Variants in ARHGEF10L observed in about 807,000 individuals in gnomAD.
ARHGEF10L encodes Rho guanine nucleotide exchange factor 10 like.
In ARHGEF10L, 69 loss-of-function variants were observed where a neutral mutation model predicts 141.2. The observed-to-expected ratio is 0.49, with a 90% CI of 0.40 to 0.60. The LOEUF (loss-of-function observed/expected upper bound fraction) is 0.60. ARHGEF10L is among the 20% of genes least tolerant of loss of function. The probability of loss-of-function intolerance (pLI) is 0.00; values close to 1 mark genes in which losing one functional copy is unlikely to be tolerated. For missense variants in ARHGEF10L, 1,482 were observed against 1,734.3 expected (o/e 0.85, Z 2.58); for synonymous variants, 711 against 718.5 (o/e 0.99, Z 0.17).
At chr1:17,652,142 A>G (rs1227361768) in intron 22 of ARHGEF10L, among the ~76,000 whole-genome samples, 1 of 152,164 alleles carries the variant, frequency 6.6e-6, no homozygotes, top group Non-Finnish European at 1.5e-5. Context: ...TGGGCTGGGC[A>G]GAGGGAGTTG....
intron 1 of ARHGEF10L, among the ~76,000 whole-genome samples, chr1:17,553,239 C>G (rs2077182046): frequency 6.6e-6 from 1 of 152,328 alleles, no homozygotes; most frequent in Middle Eastern, 3.4e-3. Context: ...GCCAGAAGAG[C>G]TTGGGCAACA....
chr1:17,686,133 T>C (rs1267494754), intron 26 of ARHGEF10L, among the ~76,000 whole-genome samples: 1 of 151,684 alleles, frequency 6.6e-6, no homozygotes, highest in African/African-American at 2.4e-5. Context: ...TCTGTAGCAT[T>C]CACATTTTTC....
chr1:17,582,343 T>C (rs2078645645), intron 2 of ARHGEF10L, among the ~76,000 whole-genome samples: 1 of 152,240 alleles, frequency 6.6e-6, no homozygotes. Flanking sequence ...AATTCTGTTC[T>C]GTTCAGCAAA....
In ARHGEF10L at chr1:17,640,236, A is replaced by G. The variant is rs765031114; in HGVS notation, c.2206A>G (p.Ile736Val). Residue 736 changes from isoleucine (I) to valine (V), a missense_variant, in exon 21 of 29, where the codon ATC becomes GTC. Coordinates refer to ENST00000361221, the MANE Select transcript of ARHGEF10L (RefSeq NM_018125.4). Reference protein sequence around the residue: ...GRPISFMVVFITPNPLSKISW... With the variant: ...GRPISFMVVFVTPNPLSKISW... ...CCCCATTAGCTTCATGGTGGTTTTC[A>G]TCACCCCCAACCCCCTGAGCAAGAT... 2 of 1,612,926 alleles carry G rather than the reference A, an allele frequency of 1.2e-6. No homozygotes were observed. The highest frequency in any genetic ancestry group is 1.3e-5 in the African/African-American group (1 of 74,842).
At chr1:17,535,647 AT>A, upstream of ARHGEF10L, among the ~76,000 whole-genome samples, 1 of 152,332 alleles carries the variant, frequency 6.6e-6, no homozygotes, top group South Asian at 2.1e-4. Flanking sequence ...CCTGAGTCCC[AT>A]CCAGATGTAA....
rs1207369593 is a variant in ARHGEF10L, at chr1:17,654,861, C to T, written c.2481+139C>T. On this transcript the variant is annotated intron_variant, in intron 23 of 28. Coordinates refer to ENST00000361221, the MANE Select transcript of ARHGEF10L (RefSeq NM_018125.4). This position sits in a 1 kb window ranked among gnomAD's most constrained non-coding sequence, Gnocchi z 4.3. Reference sequence around the variant, plus strand: ...TCATCCACCAAGGTCTTCCTGGGCACCTCTGGTGCCAGGCACTGCATTTGG... The same window carrying T: ...TCATCCACCAAGGTCTTCCTGGGCATCTCTGGTGCCAGGCACTGCATTTGG... 2.5e-6 allele frequency: 2 copies of T among 808,024 alleles called. No individual in the cohort carries two copies. Among genetic ancestry groups the T allele is most frequent in the African/African-American group, 1.7e-5 (1 of 59,232 alleles). The allele number at this position is 808,024 out of a possible 1,614,324, so 50.1% of individuals were successfully genotyped here.
intron 25 of ARHGEF10L, among the ~76,000 whole-genome samples, chr1:17,659,643 G>A (rs1013694102): frequency 6.6e-6 from 1 of 152,176 alleles, no homozygotes; most frequent in Non-Finnish European, 1.5e-5. Flanking sequence ...GAGGGTCCAG[G>A]GATTGTGAAA....
intron 27 of ARHGEF10L, among the ~76,000 whole-genome samples, chr1:17,692,321 T>C (rs1031246030): frequency 1.3e-5 from 2 of 152,144 alleles, no homozygotes; most frequent in Non-Finnish European, 2.9e-5. Flanking sequence ...GTTTGCATCA[T>C]GTTGCCAGAC....
chr1:17,581,422 G>C (rs552443050), intron 2 of ARHGEF10L, among the ~76,000 whole-genome samples: 34 of 152,204 alleles, frequency 2.2e-4, no homozygotes, highest in Admixed American at 6.5e-4. Context: ...ATGTTATTTG[G>C]CAACCCTGGC....
upstream of ARHGEF10L, among the ~76,000 whole-genome samples, chr1:17,537,257 C>A (rs2076588451): frequency 6.6e-6 from 1 of 152,150 alleles, no homozygotes; most frequent in Middle Eastern, 3.2e-3. Flanking sequence ...AACAACAAAA[C>A]CACTGTGGGC....
At chr1:17,539,390 C>A (rs2076634191), upstream of ARHGEF10L, among the ~76,000 whole-genome samples, 1 of 152,140 alleles carries the variant, frequency 6.6e-6, no homozygotes, top group Non-Finnish European at 1.5e-5. This position sits in a 1 kb window ranked among gnomAD's most constrained non-coding sequence, Gnocchi z 6.0. Flanking sequence ...GGTCTCCCCG[C>A]GGAGAACCGG....
chr1:17,655,063 C>G (rs943065671), intron 23 of ARHGEF10L, among the ~76,000 whole-genome samples: 1 of 152,202 alleles, frequency 6.6e-6, no homozygotes, highest in African/African-American at 2.4e-5. Flanking sequence ...TAGTGCCCTA[C>G]TCATGCAGAC....
intron 1 of ARHGEF10L, 98 bp downstream of exon 1, chr1:17,540,048 G>A (rs922530739): frequency 6.6e-6 from 1 of 151,632 alleles, no homozygotes; most frequent in Admixed American, 6.6e-5. Context: ...AGGGTCCTCC[G>A]GGTGTCCTGG....
chr1:17,556,574 TTC>T (rs1486519218), intron 1 of ARHGEF10L, among the ~76,000 whole-genome samples: 1 of 152,186 alleles, frequency 6.6e-6, no homozygotes, highest in East Asian at 1.9e-4. Flanking sequence ...TCAGGAACTT[TTC>T]TCTCTCAGAA....
chr1:17,620,099 A>T (rs1296261331), intron 10 of ARHGEF10L, among the ~76,000 whole-genome samples: 1 of 151,356 alleles, frequency 6.6e-6, no homozygotes, highest in African/African-American at 2.4e-5. Context: ...GCTATTCGGG[A>T]GGCTGAGGCA....
intron 26 of ARHGEF10L, among the ~76,000 whole-genome samples, chr1:17,684,013 GT>G (rs1409864078): frequency 1.3e-5 from 2 of 152,234 alleles, no homozygotes; most frequent in Non-Finnish European, 2.9e-5. Context: ...GTGTGTGCAT[GT>G]TTGTGCATCC....
rs549519938 is a variant in ARHGEF10L, at chr1:17,622,346, C to T, written c.1020+405C>T. On this transcript the variant is annotated intron_variant, in intron 11 of 28. Coordinates refer to ENST00000361221, the MANE Select transcript of ARHGEF10L (RefSeq NM_018125.4). ...CTTCTTGCATCGAGAGGAGTAGGAT[C>T]GAGTCCTCTTTTTTGCATCAGGAGG... 5.7e-4 allele frequency among the ~76,000 whole-genome samples: 86 copies of T among 152,144 alleles called. 2 individuals carry two copies. In the South Asian group the frequency reaches 7.3e-3, roughly 13 times the overall value.
At chr1:17,662,840 G>C (rs887990000) in intron 25 of ARHGEF10L, among the ~76,000 whole-genome samples, 2 of 152,196 alleles carry the variant, frequency 1.3e-5, no homozygotes, top group Non-Finnish European at 2.9e-5. Context: ...GAGGGGAAGG[G>C]TCTGCCTGTG....
intron 4 of ARHGEF10L, among the ~76,000 whole-genome samples, chr1:17,598,106 T>C (rs2080291720): frequency 6.6e-6 from 1 of 151,838 alleles, no homozygotes. Flanking sequence ...GAGAAACTTT[T>C]TTTTTTTTTT....
Sources: gnomAD v4.1 joint callset for allele counts (sites outside exome capture counted in the v4.1 genomes callset) on GRCh38, gnomAD v4.1.1 for gene constraint, Gnocchi (gnomAD v3.1) non-coding constraint, MANE v1.5 for transcripts, NCBI Gene and HGNC (gene_info 2026-07-23, HGNC 2026-07-21) for gene names.